The following KIF7 variants were observed in gnomAD, a reference collection of about 807,000 sequenced individuals.
KIF7 encodes kinesin family member 7.
A neutral mutation model predicts 135.7 loss-of-function variants in KIF7; 104 were observed. The ratio of observed to expected loss-of-function variants is 0.77; its 90% confidence interval spans 0.65 to 0.90. KIF7 has a LOEUF of 0.90. KIF7 is among the 40% of genes least tolerant of loss of function. The pLI, the probability that KIF7 is intolerant of heterozygous loss-of-function variation, is 0.00. For synonymous variants in KIF7, 883 were observed against 809.4 expected, an observed-to-expected ratio of 1.09 and a Z score of -1.54; for missense variants, 2,005 against 1,839.1, an observed-to-expected ratio of 1.09 and a Z score of -1.65.
At position 89,649,225 on chromosome 15, in the gene KIF7, G is replaced by T; in HGVS notation, c.672C>A (p.Thr224=). The T allele has an allele frequency of 6.5e-7, 1 of 1,546,400 alleles. No individual in the cohort carries two copies. The highest frequency in any genetic ancestry group is 8.7e-7 in the Non-Finnish European group (1 of 1,145,276). The part of the protein sequence containing the change: ...SSRSHTVFTV[T]LEQRGRAPSR... ...TGGGGGCGCGCCCCCGCTGCTCCAGGGTCACGGTGAAGACCGTGTGTGAGC... is the reference window on the plus strand; with the variant it reads ...TGGGGGCGCGCCCCCGCTGCTCCAGTGTCACGGTGAAGACCGTGTGTGAGC... Residue 224 remains threonine, a synonymous_variant, in exon 4 of 19, where the codon ACC becomes ACA. Coordinates refer to ENST00000394412, the MANE Select transcript of KIF7 (RefSeq NM_198525.3).
At chr15:89,628,816 G>T in intron 18 of KIF7, 30 bp from the exon 19 acceptor site, 1 of 1,611,712 alleles carries the variant, frequency 6.2e-7, no homozygotes, top group East Asian at 2.2e-5. Flanking sequence ...GTCCTCATCA[G>T]AAACAGGTGG....
downstream of KIF7, chr15:89,625,947 C>A (rs779413174): frequency 1.9e-6 from 3 of 1,577,734 alleles, no homozygotes; most frequent in South Asian, 3.6e-5. Context: ...CTCCACCCCA[C>A]CTCCCAGCTG....
intron 4 of KIF7, 44 bp downstream of exon 4, chr15:89,648,930 C>T (rs1964072446): frequency 6.7e-7 from 1 of 1,491,342 alleles, no homozygotes; most frequent in Admixed American, 2.1e-5. Flanking sequence ...ACACTCCCCG[C>T]CTCCCCGGCC....
chr15:89,656,208 C>T (rs1964205055), upstream of KIF7, among the ~76,000 whole-genome samples: 2 of 152,056 alleles, frequency 1.3e-5, no homozygotes, highest in South Asian at 4.2e-4. Flanking sequence ...ATTAGGAAAC[C>T]CTCAGCCTCC....
downstream of KIF7, chr15:89,625,928 C>A: frequency 6.4e-7 from 1 of 1,556,598 alleles, no homozygotes; most frequent in Non-Finnish European, 8.6e-7. Context: ...TATGTGGGAT[C>A]TCTTTAGGCT....
At position 89,621,459 on chromosome 15, in the gene KIF7, C is replaced by T. The variant is rs775130936; in HGVS notation, c.181-3264G>A. The T allele has an allele frequency of 1.9e-6, 3 of 1,614,078 alleles. No individual in the cohort carries two copies. The East Asian group carries it at 6.7e-5, about 36-fold the overall frequency. ...AAGAGTCTTCTTTTTGGGGCAATGT[C>T]TGAGATGATCAGCCCCTCAGAAAAG... is the stretch of plus-strand genomic sequence containing the variant. On this transcript the variant is annotated intron_variant and NMD_transcript_variant, in intron 1 of 2. Transcript: ENST00000558928.
downstream of KIF7, chr15:89,625,682 G>A (rs752601134): frequency 1.9e-6 from 3 of 1,613,784 alleles, no homozygotes; most frequent in South Asian, 3.3e-5. Context: ...AAAAGGATCT[G>A]TGACCTGAGA....
At chr15:89,625,475 A>C, downstream of KIF7, 1 of 1,613,894 alleles carries the variant, frequency 6.2e-7, no homozygotes, top group Non-Finnish European at 8.5e-7. Context: ...GAGGGCAAGG[A>C]CCACGGCCTT....
chr15:89,633,617 C>T (rs1963733723), intron 12 of KIF7, 69 bp downstream of exon 12: 2 of 1,544,510 alleles, frequency 1.3e-6, no homozygotes. Context: ...TGCCTGGGCT[C>T]CCCTGGCTGG....
At chr15:89,643,780 G>C (rs1305485924) in intron 10 of KIF7, among the ~76,000 whole-genome samples, 1 of 151,654 alleles carries the variant, frequency 6.6e-6, no homozygotes, top group Non-Finnish European at 1.5e-5. Flanking sequence ...AGCTACTCGA[G>C]AGGCTGAAGC....
upstream of KIF7, among the ~76,000 whole-genome samples, chr15:89,655,820 G>C (rs1964200909): frequency 6.6e-6 from 1 of 152,140 alleles, no homozygotes; most frequent in Middle Eastern, 3.2e-3. Flanking sequence ...GTTTAAAAAA[G>C]TTTTCTCAGT....
chr15:89,642,643 C>G (rs576090734), intron 10 of KIF7, among the ~76,000 whole-genome samples: 8 of 152,382 alleles, frequency 5.2e-5, no homozygotes, highest in African/African-American at 1.7e-4. Flanking sequence ...AATCTTGGCT[C>G]AGTGCAACCT....
intron 1 of KIF7, among the ~76,000 whole-genome samples, chr15:89,620,432 T>G (rs946722887): frequency 6.6e-6 from 1 of 151,958 alleles, no homozygotes; most frequent in Non-Finnish European, 1.5e-5. Context: ...GGTCTTGAAC[T>G]GCTGGGCTCA....
intron 10 of KIF7, among the ~76,000 whole-genome samples, chr15:89,642,829 A>G (rs1441311345): frequency 1.3e-5 from 2 of 152,182 alleles, no homozygotes; most frequent in Admixed American, 6.5e-5. Flanking sequence ...TTGGCCTCCC[A>G]AAGTCCTGGG....
chr15:89,617,773 C>T (rs904916116), intron 2 of KIF7, among the ~76,000 whole-genome samples: 2 of 150,500 alleles, frequency 1.3e-5, no homozygotes, highest in Non-Finnish European at 2.9e-5. Flanking sequence ...CTCACTGCAA[C>T]GTCTGCCTCC....
At chr15:89,657,328 A>AGAG (rs1555425512), upstream of KIF7, among the ~76,000 whole-genome samples, 1 of 127,920 alleles carries the variant, frequency 7.8e-6, no homozygotes, top group Admixed American at 8.5e-5. Context: ...AAAAAAAAAA[A>AGAG]AGAGAGAGAG....
At chr15:89,655,909 G>T (rs1003371170), upstream of KIF7, among the ~76,000 whole-genome samples, 3 of 152,150 alleles carry the variant, frequency 2.0e-5, no homozygotes, top group African/African-American at 7.2e-5. Flanking sequence ...GGGAAACTTG[G>T]CACCAGGAGG....
chr15:89,624,846 C>T, downstream of KIF7: 1 of 1,614,184 alleles, frequency 6.2e-7, no homozygotes, highest in Non-Finnish European at 8.5e-7. Context: ...CTCCTCCTTC[C>T]TGTGGGCCTG....
At position 89,648,997 on chromosome 15, in the gene KIF7, G is replaced by C. The variant is rs1357400052; in HGVS notation, c.900C>G (p.Pro300=). Residue 300 remains proline, a synonymous_variant, in exon 4 of 19, where the codon CCC becomes CCG. Coordinates refer to ENST00000394412, the MANE Select transcript of KIF7 (RefSeq NM_198525.3). ...ACCGGGTGATCTTGGAGTCGCGGTA[G>C]GGTATGTGGCTGCCCCGGCGCTGAG... is the stretch of plus-strand genomic sequence containing the variant. The part of the protein sequence containing the change: ...GDPQRRGSHI[P]YRDSKITRIL... 2.6e-6 allele frequency: 4 copies of C among 1,544,740 alleles called. No homozygotes were observed. The highest frequency in any genetic ancestry group is 2.7e-5 in the African/African-American group (2 of 73,086).
Sources: allele counts gnomAD v4.1 joint callset (sites outside exome capture counted in the v4.1 genomes callset), GRCh38; gene constraint gnomAD v4.1.1; transcripts MANE v1.5; gene names NCBI Gene and HGNC (gene_info 2026-07-23, HGNC 2026-07-21).